Variants in SHISA9 observed in about 807,000 individuals in gnomAD.
SHISA9 encodes the protein protein shisa-9.
A neutral mutation model predicts 38.0 loss-of-function variants in SHISA9; 13 were observed. The observed-to-expected ratio is 0.34, with a 90% CI of 0.22 to 0.54. The LOEUF (loss-of-function observed/expected upper bound fraction) is 0.54, where lower values mean the gene tolerates loss of function less well. Among genes scored for constraint, SHISA9 ranks in the 20% least tolerant of loss-of-function variants. The pLI, the probability that SHISA9 is intolerant of heterozygous loss-of-function variation, is 0.91. For synonymous variants in SHISA9, 275 were observed against 242.0 expected, an observed-to-expected ratio of 1.14 and a Z score of -1.27; for missense variants, 538 against 575.8, an observed-to-expected ratio of 0.93 and a Z score of 0.67.
chr16:13,354,167 T>C, the SHISA9 span, among the ~76,000 whole-genome samples: 1 of 148,048 alleles, frequency 6.8e-6, no homozygotes, highest in Non-Finnish European at 1.5e-5. Context: ...TGAGGAGTAG[T>C]AGAATAGCAG....
chr16:13,075,435 G>C (rs55821310), intron 2 of SHISA9, among the ~76,000 whole-genome samples: 2,228 of 152,234 alleles, frequency 0.015, 23 homozygotes, highest in Non-Finnish European at 0.025. Flanking sequence ...GAACCCGTGG[G>C]AGGGTCTTTT....
the SHISA9 span, among the ~76,000 whole-genome samples, chr16:13,365,454 C>CTT: frequency 0.048 from 5,425 of 112,438 alleles, 328 homozygotes; most frequent in South Asian, 0.071. Flanking sequence ...GAGTATACCT[C>CTT]TTTTTTTTTT....
chr16:12,921,423 C>T (rs1379617665), intron 2 of SHISA9, among the ~76,000 whole-genome samples: 2 of 152,084 alleles, frequency 1.3e-5, no homozygotes, highest in Non-Finnish European at 2.9e-5. Context: ...TACCGAGGCA[C>T]CTGGGATGTC....
the SHISA9 span, among the ~76,000 whole-genome samples, chr16:13,339,573 T>C: frequency 2.0e-5 from 3 of 152,196 alleles, no homozygotes; most frequent in African/African-American, 7.2e-5. Context: ...GAAGAATTCA[T>C]GAATTTCAAG....
At chr16:12,907,958 C>G (rs1271251904) in intron 1 of SHISA9, among the ~76,000 whole-genome samples, 1 of 152,196 alleles carries the variant, frequency 6.6e-6, no homozygotes, top group African/African-American at 2.4e-5. Flanking sequence ...TCAAGTTGCT[C>G]TGCATAGCGC....
intron 2 of SHISA9, among the ~76,000 whole-genome samples, chr16:13,112,108 A>G (rs1046852748): frequency 1.3e-4 from 20 of 152,138 alleles, no homozygotes; most frequent in Non-Finnish European, 2.8e-4. Flanking sequence ...GCAAAAGGGT[A>G]AGGATTTTTT....
At chr16:13,290,320 G>C in the SHISA9 span, among the ~76,000 whole-genome samples, 1 of 152,116 alleles carries the variant, frequency 6.6e-6, no homozygotes, top group Non-Finnish European at 1.5e-5. Context: ...GATGCAAACA[G>C]AGTCACACTT....
At chr16:12,953,067 A>C (rs1416158687) in intron 2 of SHISA9, among the ~76,000 whole-genome samples, 1 of 152,138 alleles carries the variant, frequency 6.6e-6, no homozygotes, top group East Asian at 1.9e-4. Context: ...TGAAAAAATA[A>C]AGAAGGACAA....
At chr16:13,456,442 A>AAATG in the SHISA9 span, among the ~76,000 whole-genome samples, 1 of 152,202 alleles carries the variant, frequency 6.6e-6, no homozygotes, top group Non-Finnish European at 1.5e-5. Flanking sequence ...TTGGACAGAG[A>AAATG]AATGAATGAA....
At chr16:13,347,412 C>T in the SHISA9 span, among the ~76,000 whole-genome samples, 25 of 152,234 alleles carry the variant, frequency 1.6e-4, no homozygotes, top group South Asian at 5.2e-3. Flanking sequence ...CATCCATAAT[C>T]CTATTCCAAG....
chr16:13,150,043 A>AAC, intron 2 of SHISA9, among the ~76,000 whole-genome samples: 1 of 148,862 alleles, frequency 6.7e-6, no homozygotes, highest in South Asian at 2.1e-4. Context: ...AAAAAAAAAA[A>AAC]AAAAAAAAAA....
chr16:13,195,841 A>ACTT (rs1300155061), intron 2 of SHISA9, among the ~76,000 whole-genome samples: 1 of 152,002 alleles, frequency 6.6e-6, no homozygotes, highest in Non-Finnish European at 1.5e-5. Context: ...TAATCTCAAC[A>ACTT]CTTTAGGAGG....
chr16:13,267,185 T>G, the SHISA9 span, among the ~76,000 whole-genome samples: 7 of 152,258 alleles, frequency 4.6e-5, no homozygotes, highest in African/African-American at 1.7e-4. Flanking sequence ...AATTTTAACA[T>G]CAAGAGCCTA....
At chr16:13,399,403 A>T in the SHISA9 span, among the ~76,000 whole-genome samples, 1 of 152,178 alleles carries the variant, frequency 6.6e-6, no homozygotes, top group African/African-American at 2.4e-5. Context: ...AATGGAGCCA[A>T]ATTAACACAA....
intron 2 of SHISA9, among the ~76,000 whole-genome samples, chr16:13,008,895 T>C (rs955887124): frequency 6.6e-6 from 1 of 152,048 alleles, no homozygotes; most frequent in African/African-American, 2.4e-5. Context: ...GATGACTGAC[T>C]GAGTGTAATA....
At chr16:12,962,115 A>G (rs2071919529) in intron 2 of SHISA9, among the ~76,000 whole-genome samples, 1 of 152,208 alleles carries the variant, frequency 6.6e-6, no homozygotes, top group South Asian at 2.1e-4. Flanking sequence ...ACTCCAGTCG[A>G]TGCGAAGGCA....
At chr16:12,944,685 CT>C (rs1442795888) in intron 2 of SHISA9, among the ~76,000 whole-genome samples, 1 of 152,160 alleles carries the variant, frequency 6.6e-6, no homozygotes, top group Non-Finnish European at 1.5e-5. Flanking sequence ...TAGAAAGCAG[CT>C]GTGGAACTTA....
chr16:13,039,552 G>C (rs150225898), intron 2 of SHISA9, among the ~76,000 whole-genome samples: 7 of 149,550 alleles, frequency 4.7e-5, no homozygotes, highest in Non-Finnish European at 1.0e-4. Context: ...GACATATTGA[G>C]AGCCCAGAGA....
intron 2 of SHISA9, among the ~76,000 whole-genome samples, chr16:13,046,315 G>C (rs547481713): frequency 1.2e-3 from 188 of 152,336 alleles, no homozygotes; most frequent in African/African-American, 4.0e-3. Flanking sequence ...TATTTAAGCT[G>C]CTTCTAAGTA....
Sources: gnomAD v4.1 joint callset for allele counts (sites outside exome capture counted in the v4.1 genomes callset) on GRCh38, gnomAD v4.1.1 for gene constraint, MANE v1.5 for transcripts, NCBI Gene and HGNC (gene_info 2026-07-23, HGNC 2026-07-21) for gene names.